The following SIL1 variants were observed in gnomAD, a reference collection of about 807,000 sequenced individuals.
The protein encoded by SIL1 is SIL1 nucleotide exchange factor, also known as nucleotide exchange factor SIL1.
A neutral mutation model predicts 49.1 loss-of-function variants in SIL1; 40 were observed. The ratio of observed to expected loss-of-function variants is 0.81; its 90% confidence interval spans 0.63 to 1.06. The LOEUF (loss-of-function observed/expected upper bound fraction) is 1.06. Among genes scored for constraint, SIL1 ranks in the 50% least tolerant of loss-of-function variants. The pLI is 0.00. For synonymous variants in SIL1, 253 were observed against 250.8 expected (o/e 1.01, Z -0.08); for missense variants, 500 against 572.6 (o/e 0.87, Z 1.29).
At chr5:139,041,292 G>C (rs928261120) in intron 5 of SIL1, among the ~76,000 whole-genome samples, 1 of 152,218 alleles carries the variant, frequency 6.6e-6, no homozygotes, top group African/African-American at 2.4e-5. Flanking sequence ...TTGGTAAGAT[G>C]AGTAAAGACG....
At chr5:139,007,107 C>T (rs1768137217) in intron 7 of SIL1, among the ~76,000 whole-genome samples, 1 of 141,594 alleles carries the variant, frequency 7.1e-6, no homozygotes, top group Non-Finnish European at 1.5e-5. Flanking sequence ...GAATGTTCTT[C>T]CATTTGTTTG....
chr5:139,166,593 G>A (rs1480588644), intron 1 of SIL1, among the ~76,000 whole-genome samples: 1 of 152,206 alleles, frequency 6.6e-6, no homozygotes, highest in African/African-American at 2.4e-5. Context: ...GGAATTTGGG[G>A]TTGCAGTGGG....
intron 3 of SIL1, among the ~76,000 whole-genome samples, chr5:139,064,942 C>A (rs993091898): frequency 6.6e-6 from 1 of 152,176 alleles, no homozygotes; most frequent in African/African-American, 2.4e-5. Flanking sequence ...AGAGAGTTCT[C>A]AATAATGTTC....
chr5:139,125,012 G>A (rs148947064), intron 2 of SIL1, among the ~76,000 whole-genome samples: 112 of 152,344 alleles, frequency 7.4e-4, no homozygotes, highest in African/African-American at 2.1e-3. Context: ...AGGGAATGAC[G>A]CGGGATACTG....
intron 7 of SIL1, among the ~76,000 whole-genome samples, chr5:138,989,923 A>T (rs975443942): frequency 6.6e-6 from 1 of 152,092 alleles, no homozygotes; most frequent in Non-Finnish European, 1.5e-5. Flanking sequence ...TGTGGTCTTG[A>T]ACAAATCACT....
chr5:139,048,818 C>T (rs567411872), intron 4 of SIL1, among the ~76,000 whole-genome samples: 7 of 152,158 alleles, frequency 4.6e-5, no homozygotes, highest in Non-Finnish European at 7.3e-5. Flanking sequence ...TGGCAGGGGC[C>T]GTGACAATGA....
chr5:139,170,470 C>T (rs1329977913), intron 1 of SIL1, among the ~76,000 whole-genome samples: 4 of 151,662 alleles, frequency 2.6e-5, no homozygotes, highest in Admixed American at 6.6e-5. Flanking sequence ...AGGAGCGTCT[C>T]TGCCCGGCCG....
chr5:139,109,149 C>T (rs918670795), intron 3 of SIL1, among the ~76,000 whole-genome samples: 6 of 152,164 alleles, frequency 3.9e-5, no homozygotes, highest in Non-Finnish European at 8.8e-5. Flanking sequence ...AAAGAGCCCT[C>T]TCCTTTGAAA....
At chr5:139,070,753 C>T (rs924681415) in intron 3 of SIL1, among the ~76,000 whole-genome samples, 5 of 151,866 alleles carry the variant, frequency 3.3e-5, no homozygotes, top group Non-Finnish European at 5.9e-5. Flanking sequence ...GGAAAAAAAA[C>T]ATCTTAATTG....
intron 1 of SIL1, among the ~76,000 whole-genome samples, chr5:139,167,692 G>A (rs1357723214): frequency 6.6e-6 from 1 of 152,128 alleles, no homozygotes; most frequent in Non-Finnish European, 1.5e-5. Flanking sequence ...ATGTAGCGTA[G>A]CCTAAGTGTA....
At chr5:139,019,600 A>G (rs189773588) in intron 7 of SIL1, among the ~76,000 whole-genome samples, 1 of 152,348 alleles carries the variant, frequency 6.6e-6, no homozygotes, top group Non-Finnish European at 1.5e-5. Context: ...AAAAGTCTTA[A>G]TAACACCACA....
chr5:139,182,629 G>A (rs1403407674), intron 1 of SIL1, among the ~76,000 whole-genome samples: 1 of 152,214 alleles, frequency 6.6e-6, no homozygotes, highest in African/African-American at 2.4e-5. Context: ...AGACTGACAA[G>A]TGTATTCTGG....
At chr5:138,952,004 CG>C (rs35469390) in intron 7 of SIL1, 120 bp from the exon 8 acceptor site, 1 of 895,552 alleles carries the variant, frequency 1.1e-6, no homozygotes. Context: ...GGTTCCCACA[CG>C]GGGCAAGTCA....
At chr5:139,025,089 T>C (rs1482468546) in intron 6 of SIL1, among the ~76,000 whole-genome samples, 2 of 152,250 alleles carry the variant, frequency 1.3e-5, no homozygotes, top group Non-Finnish European at 2.9e-5. Flanking sequence ...CTTGTCTATC[T>C]GCTTCTGCTA....
chr5:138,954,079 A>G (rs182002173), intron 7 of SIL1, among the ~76,000 whole-genome samples: 2 of 152,304 alleles, frequency 1.3e-5, no homozygotes, highest in Non-Finnish European at 2.9e-5. Flanking sequence ...TCTCTTCAGA[A>G]GGTGGGCTGA....
chr5:139,078,047 GGAT>G (rs1198486057), intron 3 of SIL1, among the ~76,000 whole-genome samples: 1 of 152,136 alleles, frequency 6.6e-6, no homozygotes, highest in Non-Finnish European at 1.5e-5. Flanking sequence ...TGTGCAATAT[GGAT>G]GTATTTTTCC....
intron 6 of SIL1, among the ~76,000 whole-genome samples, chr5:139,023,517 T>C (rs1481896098): frequency 6.6e-6 from 1 of 152,224 alleles, no homozygotes; most frequent in Non-Finnish European, 1.5e-5. Context: ...CCGAGGTAGA[T>C]GGGGCGGACG....
chr5:139,033,258 G>C (rs1031133807), intron 5 of SIL1, among the ~76,000 whole-genome samples: 4 of 152,070 alleles, frequency 2.6e-5, no homozygotes, highest in Non-Finnish European at 1.5e-5. Flanking sequence ...GCCTCCCAAA[G>C]TGCTGGGATT....
At chr5:139,118,670 T>C (rs1041317477) in intron 3 of SIL1, among the ~76,000 whole-genome samples, 1 of 152,182 alleles carries the variant, frequency 6.6e-6, no homozygotes, top group Non-Finnish European at 1.5e-5. Flanking sequence ...TTTTAATCTT[T>C]AGGTAGATGT....
Sources: allele counts gnomAD v4.1 joint callset (sites outside exome capture counted in the v4.1 genomes callset), GRCh38; gene constraint gnomAD v4.1.1; transcripts MANE v1.5; gene names NCBI Gene and HGNC (gene_info 2026-07-23, HGNC 2026-07-21).